The following FANCC variants were observed in gnomAD, a reference collection of about 807,000 sequenced individuals.
FANCC encodes FA complementation group C, also known as Fanconi anemia group C protein.
Under a neutral mutation model 71.3 loss-of-function variants are expected in FANCC, and 55 were observed. The observed-to-expected ratio is 0.77, with a 90% CI of 0.62 to 0.97. The LOEUF (loss-of-function observed/expected upper bound fraction) is 0.97. Ranked by LOEUF, FANCC falls within the 50% of genes least tolerant of loss-of-function variation. The pLI is 0.00. For missense variants in FANCC, 678 were observed against 670.9 expected (o/e 1.01, Z -0.12); for synonymous variants, 275 against 244.9 (o/e 1.12, Z -1.15).
chr9:95,149,575 T>C (rs1180447242), intron 7 of FANCC, among the ~76,000 whole-genome samples: 1 of 151,488 alleles, frequency 6.6e-6, no homozygotes, highest in African/African-American at 2.4e-5. Context: ...GCCTCCCAGG[T>C]GGAAGCGATC....
rs1588220728 is a variant in FANCC at position 95,172,129 on chromosome 9, GTA to G, written c.362_363del (p.Ile121ThrfsTer7). 2 of 1,610,534 alleles carry G rather than the reference GTA, an allele frequency of 1.2e-6. No homozygotes were observed. Among genetic ancestry groups the G allele is most frequent in the Non-Finnish European group, 1.7e-6 (2 of 1,176,936 alleles). On this transcript the variant is annotated frameshift_variant, in exon 5 of 15. Transcript: ENST00000289081. LOFTEE classifies it high-confidence loss of function. ...NSWIQGVLSH[I>X]LSALRFDKEV... ...TCTTTATCAAATCTGAGTGCTGAAA[GTA>G]TATGAGATAATACACCCTAAAAAAC...
chr9:95,293,543 C>A (rs1403298404), intron 1 of FANCC: 1 of 1,610,392 alleles, frequency 6.2e-7, no homozygotes, highest in East Asian at 2.2e-5. Context: ...AACTAGGGAA[C>A]ACATGTCAGA....
intron 4 of FANCC, among the ~76,000 whole-genome samples, chr9:95,203,464 A>G (rs190366757): frequency 2.0e-5 from 3 of 151,648 alleles, no homozygotes; most frequent in East Asian, 3.9e-4. Flanking sequence ...ACTACATTTT[A>G]TATGCTCACT....
chr9:95,230,266 C>G (rs1486861805), intron 4 of FANCC, among the ~76,000 whole-genome samples: 1 of 152,150 alleles, frequency 6.6e-6, no homozygotes, highest in Non-Finnish European at 1.5e-5. Flanking sequence ...GCAGTCACAC[C>G]ACCACCTGGA....
chr9:95,231,499 A>G (rs1490876056), intron 4 of FANCC, among the ~76,000 whole-genome samples: 1 of 152,176 alleles, frequency 6.6e-6, no homozygotes, highest in East Asian at 1.9e-4. Flanking sequence ...GAAGCACTCC[A>G]GCAGGGACTC....
intron 7 of FANCC, chr9:95,142,314 G>A (rs1828879824): frequency 6.6e-6 from 1 of 152,396 alleles, no homozygotes; most frequent in African/African-American, 2.4e-5. Context: ...TTATTTTTTA[G>A]AGCCAGGGTC....
intron 7 of FANCC, among the ~76,000 whole-genome samples, chr9:95,137,857 C>T (rs993368614): frequency 3.3e-5 from 5 of 152,182 alleles, no homozygotes; most frequent in African/African-American, 1.2e-4. Context: ...GGCGAATGAA[C>T]CCTGAGTGTG....
chr9:95,294,693 T>A lies in FANCC; in HGVS notation c.-79+22833A>T, dbSNP rs1240080962. The A allele has an allele frequency of 1.9e-6, 3 of 1,597,552 alleles. No individual in the cohort carries two copies. The African/African-American group carries it at 4.0e-5, about 21-fold the overall frequency. On this transcript the variant is annotated intron_variant, in intron 1 of 14. Coordinates refer to ENST00000289081, the MANE Select transcript of FANCC (RefSeq NM_000136.3). The stretch of plus-strand genomic sequence containing the variant: ...GCTTGTTCTTCACCAACAACGAAAC[T>A]CAAACAACAATGGACGACTTTCTTC...
intron 1 of FANCC, among the ~76,000 whole-genome samples, chr9:95,267,085 T>G (rs1232683561): frequency 6.6e-6 from 1 of 151,960 alleles, no homozygotes; most frequent in African/African-American, 2.4e-5. Flanking sequence ...GACAAAACCA[T>G]GAGCAGCCAG....
chr9:95,115,033 T>C (rs899142027), intron 11 of FANCC, among the ~76,000 whole-genome samples: 1 of 152,194 alleles, frequency 6.6e-6, no homozygotes, highest in Non-Finnish European at 1.5e-5. Flanking sequence ...CCCAACCTCC[T>C]GGGCTCAAGC....
In FANCC at chr9:95,111,493, A is replaced by C. The variant is rs2134547152; in HGVS notation, c.1299T>G (p.Arg433=). The change falls in exon 13 of 15, where the codon CGT becomes CGG. Residue 433 remains arginine, a synonymous_variant. Coordinates refer to ENST00000289081, the MANE Select transcript of FANCC (RefSeq NM_000136.3). ...TCTGTGCTCTCTGCTGCCTCCCATC[A>C]CGGGGGCCGTAGTAGAAGGCCAAGA... ...LWLLAFYYGP[R]DGRQQRAQTM... 6.2e-7 allele frequency: 1 copy of C among 1,613,680 alleles called. No homozygotes were observed. Among genetic ancestry groups the C allele is most frequent in the South Asian group, 1.1e-5 (1 of 91,072 alleles).
chr9:95,277,632 G>T (rs1236658041), intron 1 of FANCC, among the ~76,000 whole-genome samples: 2 of 152,188 alleles, frequency 1.3e-5, no homozygotes, highest in Non-Finnish European at 2.9e-5. Flanking sequence ...TGAAAATGCT[G>T]AAAGTCAAGG....
In FANCC at chr9:95,100,552, CCAATA is replaced by C. The variant is rs1217225456; in HGVS notation, c.*1150_*1154del. 3 of 231,526 alleles carry C rather than the reference CCAATA, an allele frequency of 1.3e-5. No homozygotes were observed. The highest frequency in any genetic ancestry group is 2.6e-5 in the Non-Finnish European group (3 of 117,002). 14.3% of individuals were successfully genotyped at this position (231,526 alleles called of 1,614,324 possible). On this transcript the variant is annotated 3_prime_UTR_variant, in exon 15 of 15. Coordinates refer to ENST00000289081, the MANE Select transcript of FANCC (RefSeq NM_000136.3). ...AGAATAGACACAAAAGAATGTACAACCAATACAATTCCAGAATGTCCCTGAAAGGA... is the reference window on the plus strand; with the variant it reads ...AGAATAGACACAAAAGAATGTACAACCAATTCCAGAATGTCCCTGAAAGGA...
intron 4 of FANCC, among the ~76,000 whole-genome samples, chr9:95,211,921 A>G (rs1195407451): frequency 6.6e-6 from 1 of 152,016 alleles, no homozygotes; most frequent in Non-Finnish European, 1.5e-5. Flanking sequence ...CAATATATGA[A>G]ATAAAAAATA....
intron 1 of FANCC, among the ~76,000 whole-genome samples, chr9:95,312,669 T>C (rs1835478500): frequency 1.3e-5 from 2 of 152,364 alleles, no homozygotes; most frequent in Admixed American, 6.5e-5. Flanking sequence ...AACTATTCAC[T>C]GTAACAGGAC....
chr9:95,293,297 G>T, intron 1 of FANCC: 1 of 1,613,578 alleles, frequency 6.2e-7, no homozygotes, highest in Non-Finnish European at 8.5e-7. Context: ...TGTGCCTACA[G>T]CCGACTCCTC....
chr9:95,251,573 C>T (rs1018252982), intron 1 of FANCC, among the ~76,000 whole-genome samples: 21 of 152,148 alleles, frequency 1.4e-4, no homozygotes, highest in African/African-American at 5.1e-4. Context: ...TCCTCTGCCT[C>T]CCAAAGTGCT....
chr9:95,281,718 C>T lies in FANCC; in HGVS notation c.-78-32349G>A, dbSNP rs142008324. On this transcript the variant is annotated intron_variant, in intron 1 of 14. Coordinates refer to ENST00000289081, the MANE Select transcript of FANCC (RefSeq NM_000136.3). ...AAGACAACACAATTAAAAATAATAG[C>T]TACGATAATTTGTTAGGGGACATGC... 3.3e-5 allele frequency among the ~76,000 whole-genome samples: 5 copies of T among 151,978 alleles called. No homozygotes were observed. In the East Asian group the frequency reaches 7.7e-4, roughly 23 times the overall value.
rs201226599 is a variant in FANCC, at chr9:95,141,118, TG to T, written c.687-5617del. Among the ~76,000 whole-genome samples, 433 of 151,924 alleles carry T rather than the reference TG, an allele frequency of 2.9e-3. 9 individuals carry two copies. In the South Asian group the frequency reaches 0.042, roughly 15 times the overall value. On this transcript the variant is annotated intron_variant, in intron 7 of 14. Coordinates refer to ENST00000289081, the MANE Select transcript of FANCC (RefSeq NM_000136.3). ...TGAGTCCAGGAGTTCAAGACCAGCC[TG>T]GGCAATATGGCAAAACCCAGTCTCT...
Sources: gnomAD v4.1 joint callset for allele counts (sites outside exome capture counted in the v4.1 genomes callset) on GRCh38, gnomAD v4.1.1 for gene constraint, MANE v1.5 for transcripts, NCBI Gene and HGNC (gene_info 2026-07-23, HGNC 2026-07-21) for gene names.